The following TTC7B variants were observed in gnomAD, a reference collection of about 807,000 sequenced individuals.
TTC7B encodes the protein tetratricopeptide repeat domain 7B.
A neutral mutation model predicts 106.8 loss-of-function variants in TTC7B; 28 were observed. The ratio of observed to expected loss-of-function variants is 0.26; its 90% confidence interval spans 0.19 to 0.36. The LOEUF (loss-of-function observed/expected upper bound fraction) is 0.36, where lower values mean the gene tolerates loss of function less well. Among genes scored for constraint, TTC7B ranks in the 10% least tolerant of loss-of-function variants. The pLI is 1.00. For missense variants in TTC7B, 862 were observed against 1,076.4 expected, an observed-to-expected ratio of 0.80 and a Z score of 2.79; for synonymous variants, 405 against 430.6, an observed-to-expected ratio of 0.94 and a Z score of 0.74.
chr14:90,803,338 A>G (rs762163219), intron 1 of TTC7B, among the ~76,000 whole-genome samples: 101 of 152,262 alleles, frequency 6.6e-4, no homozygotes, highest in Non-Finnish European at 5.6e-4. Context: ...GAGGGGCTCC[A>G]TAAATATTTC....
rs1566898145 is a variant in TTC7B, at chr14:90,805,975, T to G, written c.121+10200A>C. On this transcript the variant is annotated intron_variant, in intron 1 of 19. Coordinates refer to ENST00000328459, the MANE Select transcript of TTC7B (RefSeq NM_001010854.2). This position sits in a 1 kb window ranked among gnomAD's most constrained non-coding sequence, Gnocchi z 4.0. ...GGATAAGCAGCTGACATGCAAAGAT[T>G]TGATCAGATGAGAAAGAAAAAACTT... Among the ~76,000 whole-genome samples, 1 of 152,248 alleles carries G rather than the reference T, an allele frequency of 6.6e-6. No individual in the cohort carries two copies. Among genetic ancestry groups the G allele is most frequent in the Non-Finnish European group, 1.5e-5 (1 of 68,054 alleles).
chr14:90,728,726 G>A lies in TTC7B; in HGVS notation c.698+1349C>T, dbSNP rs940547098. Among the ~76,000 whole-genome samples the A allele has an allele frequency of 8.5e-5, 13 of 152,136 alleles. No individual in the cohort carries two copies. In the East Asian group the frequency reaches 9.6e-4, roughly 11 times the overall value. ...TCACACAAAACATTTTCAACTGAAC[G>A]TATGGGTATGGTACCCCTGGGACCT... On this transcript the variant is annotated intron_variant, in intron 5 of 19. Coordinates refer to ENST00000328459, the MANE Select transcript of TTC7B (RefSeq NM_001010854.2).
intron 5 of TTC7B, chr14:90,697,736 C>T (rs1261129422): frequency 2.0e-5 from 3 of 152,160 alleles, no homozygotes; most frequent in Non-Finnish European, 4.4e-5. Flanking sequence ...AGGTGCAAGA[C>T]GGTTTCTCCC....
chr14:90,686,777 G>T (rs928997211), intron 7 of TTC7B, among the ~76,000 whole-genome samples: 1 of 152,168 alleles, frequency 6.6e-6, no homozygotes, highest in Non-Finnish European at 1.5e-5. Context: ...GTGCACGCAC[G>T]TGTGCACACA....
intron 18 of TTC7B, among the ~76,000 whole-genome samples, chr14:90,590,177 T>C (rs1891897126): frequency 6.6e-6 from 1 of 152,302 alleles, no homozygotes; most frequent in Non-Finnish European, 1.5e-5. Flanking sequence ...GCACCTATCA[T>C]ACAGAAAGTG....
At chr14:90,549,321 C>T (rs1283529778) in intron 19 of TTC7B, among the ~76,000 whole-genome samples, 1 of 152,154 alleles carries the variant, frequency 6.6e-6, no homozygotes, top group Non-Finnish European at 1.5e-5. Context: ...ACCTGAGCTG[C>T]TGGGGCCACC....
chr14:90,596,633 C>T (rs1892215192), intron 17 of TTC7B, among the ~76,000 whole-genome samples: 1 of 152,212 alleles, frequency 6.6e-6, no homozygotes, highest in South Asian at 2.1e-4. Flanking sequence ...TTTCTCCCTA[C>T]AATAAGTGAG....
intron 13 of TTC7B, among the ~76,000 whole-genome samples, chr14:90,649,373 G>C (rs137984320): frequency 1.3e-5 from 2 of 152,088 alleles, no homozygotes; most frequent in African/African-American, 4.8e-5. Context: ...CTTGCTTCCC[G>C]TGGAGCAACT....
At chr14:90,791,405 C>T (rs754979256) in intron 1 of TTC7B, among the ~76,000 whole-genome samples, 6 of 152,292 alleles carry the variant, frequency 3.9e-5, no homozygotes, top group Non-Finnish European at 7.3e-5. Context: ...ATAGGGAAGG[C>T]ATCTGCATCT....
chr14:90,739,577 CG>C (rs1375819779), intron 4 of TTC7B, among the ~76,000 whole-genome samples: 1 of 152,218 alleles, frequency 6.6e-6, no homozygotes, highest in South Asian at 2.1e-4. Flanking sequence ...TTCATGAACA[CG>C]GGAAGTCTAG....
intron 15 of TTC7B, among the ~76,000 whole-genome samples, chr14:90,635,853 C>T (rs925257888): frequency 7.4e-5 from 11 of 148,092 alleles, no homozygotes; most frequent in Non-Finnish European, 9.0e-5. Flanking sequence ...AGTGCGGTGG[C>T]TCACGTCTGT....
chr14:90,638,634 C>A (rs1271180018), intron 15 of TTC7B, among the ~76,000 whole-genome samples: 1 of 152,156 alleles, frequency 6.6e-6, no homozygotes, highest in African/African-American at 2.4e-5. Context: ...GATTAGAAAA[C>A]CTACTGTCAT....
intron 15 of TTC7B, among the ~76,000 whole-genome samples, chr14:90,621,403 C>T (rs921273458): frequency 6.6e-6 from 1 of 151,448 alleles, no homozygotes; most frequent in Non-Finnish European, 1.5e-5. Context: ...TGGGCAGAGG[C>T]CACGTGGGTA....
chr14:90,739,981 T>C (rs1194566942), intron 4 of TTC7B, among the ~76,000 whole-genome samples: 1 of 152,242 alleles, frequency 6.6e-6, no homozygotes. Context: ...GGCCATCCTA[T>C]GCCATTTCTA....
At chr14:90,766,909 T>A in intron 3 of TTC7B, 1 of 1,554,280 alleles carries the variant, frequency 6.4e-7, no homozygotes, top group Non-Finnish European at 8.8e-7. Flanking sequence ...GTGCCACTCC[T>A]GGGGCCTTCA....
At chr14:90,593,769 G>C (rs528581764) in intron 17 of TTC7B, 143 bp from the exon 18 acceptor site, 45 of 785,974 alleles carry the variant, frequency 5.7e-5, no homozygotes, top group African/African-American at 3.2e-4. Context: ...AGAGAAACGC[G>C]GGCAATCACG....
chr14:90,686,686 A>G (rs1887263368), intron 7 of TTC7B, among the ~76,000 whole-genome samples: 1 of 152,258 alleles, frequency 6.6e-6, no homozygotes, highest in African/African-American at 2.4e-5. Flanking sequence ...ACTTGCAGTG[A>G]GCAATCCAAA....
intron 15 of TTC7B, among the ~76,000 whole-genome samples, chr14:90,622,456 A>G (rs1884249047): frequency 6.8e-6 from 1 of 146,756 alleles, no homozygotes; most frequent in Non-Finnish European, 1.5e-5. Flanking sequence ...TTAGCCAGGC[A>G]TGGTGGCTTA....
Position 90,533,217 on chromosome 14 carries a change from G to C in TTC7B, c.*8151C>G, listed in dbSNP as rs538351186. The C allele has an allele frequency of 6.6e-6, 1 of 152,342 alleles. No homozygotes were observed. Among genetic ancestry groups the C allele is most frequent in the East Asian group, 1.9e-4 (1 of 5,146 alleles). The allele number at this position is 152,342 out of a possible 1,614,324, so 9.4% of individuals were successfully genotyped here. ...GGAGCCTCCTGTGCTGTGACCAAGT[G>C]GGACAGGGATGCATGACCCTCCTCA... On this transcript the variant is annotated 3_prime_UTR_variant, in exon 20 of 20. Coordinates refer to ENST00000328459, the MANE Select transcript of TTC7B (RefSeq NM_001010854.2).
Sources: allele counts gnomAD v4.1 joint callset (sites outside exome capture counted in the v4.1 genomes callset), GRCh38; gene constraint gnomAD v4.1.1; non-coding constraint Gnocchi (gnomAD v3.1); transcripts MANE v1.5; gene names NCBI Gene and HGNC (gene_info 2026-07-23, HGNC 2026-07-21).